Variants in CPE observed in about 807,000 individuals in gnomAD.
CPE encodes carboxypeptidase E, also known as carbocypeptidase E.
CPE carries 17 observed loss-of-function variants against 53.5 expected under a neutral mutation model. That is an observed-to-expected ratio of 0.32 (90% CI 0.22 to 0.48). The LOEUF (loss-of-function observed/expected upper bound fraction) is 0.48, where lower values mean the gene tolerates loss of function less well. Among genes scored for constraint, CPE ranks in the 20% least tolerant of loss-of-function variants. The pLI is 0.99. For synonymous variants in CPE, 226 were observed against 228.8 expected, an observed-to-expected ratio of 0.99 and a Z score of 0.11; for missense variants, 524 against 614.7, an observed-to-expected ratio of 0.85 and a Z score of 1.56.
At chr4:165,481,016 A>ATATATATATATATATATATATTT (rs1491161430) in intron 3 of CPE, among the ~76,000 whole-genome samples, 4 of 111,040 alleles carry the variant, frequency 3.6e-5, no homozygotes, top group African/African-American at 1.4e-4. Context: ...ATATATATAT[A>ATATATATATATATATATATATTT]TTTTTTTTTT....
At chr4:165,442,023 GTTTTTTTTTTTTGTTTTTTTTTTGT>G (rs1731620829) in intron 1 of CPE, among the ~76,000 whole-genome samples, 1 of 107,476 alleles carries the variant, frequency 9.3e-6, no homozygotes, top group African/African-American at 4.0e-5. Context: ...CGGTGAGTTT[GTTTTTTTTTTTTGTTTTTTTTTTGT>G]TTTTTTTTTT....
intron 3 of CPE, among the ~76,000 whole-genome samples, chr4:165,476,343 G>T (rs1161333467): frequency 6.6e-6 from 1 of 152,162 alleles, no homozygotes; most frequent in Admixed American, 6.5e-5. Flanking sequence ...GGGGTGGGCT[G>T]TCTGCATGTG....
chr4:165,465,342 CCCAG>C (rs1173829448), intron 2 of CPE, among the ~76,000 whole-genome samples: 6 of 151,964 alleles, frequency 3.9e-5, no homozygotes, highest in Non-Finnish European at 1.5e-5. Flanking sequence ...TTGTAAGAAA[CCCAG>C]CCAATTTCTG....
intron 1 of CPE, among the ~76,000 whole-genome samples, chr4:165,417,573 A>G (rs1325076735): frequency 6.7e-6 from 1 of 149,592 alleles, no homozygotes; most frequent in African/African-American, 2.5e-5. Context: ...TTTTTTTATC[A>G]TTAGCTTTGT....
At chr4:165,421,067 G>A (rs927877896) in intron 1 of CPE, among the ~76,000 whole-genome samples, 15 of 151,982 alleles carry the variant, frequency 9.9e-5, no homozygotes, top group Admixed American at 2.6e-4. Flanking sequence ...TGTTAATGTC[G>A]TGAGAAATAG....
At chr4:165,424,262 G>C (rs1257069752) in intron 1 of CPE, among the ~76,000 whole-genome samples, 2 of 149,876 alleles carry the variant, frequency 1.3e-5, no homozygotes, top group Non-Finnish European at 3.0e-5. Context: ...TTATTTTGGG[G>C]TTTGTTTGAT....
chr4:165,429,472 A>G (rs1731373304), intron 1 of CPE, among the ~76,000 whole-genome samples: 1 of 152,136 alleles, frequency 6.6e-6, no homozygotes, highest in Non-Finnish European at 1.5e-5. Flanking sequence ...GGAGGCCAAC[A>G]CGAGTAGATT....
chr4:165,467,960 A>G (rs988564288), intron 3 of CPE, 105 bp downstream of exon 3: 86 of 1,281,382 alleles, frequency 6.7e-5, no homozygotes, highest in Non-Finnish European at 8.3e-5. Context: ...CACAGCTTGT[A>G]TGGGGTGGTT....
At chr4:165,447,489 T>G (rs1731735943) in intron 1 of CPE, among the ~76,000 whole-genome samples, 1 of 151,828 alleles carries the variant, frequency 6.6e-6, no homozygotes, top group Non-Finnish European at 1.5e-5. Context: ...GAGAATCACT[T>G]GAATCCAGGA....
rs535836336 is a variant in CPE at position 165,465,323 on chromosome 4, A to G, written c.504+737A>G. Reference sequence around the variant, plus strand: ...CTACAGCTAAAAAATCCAATGACATAGTTTGACATTGTAAGAAACCCAGCC... The same window carrying G: ...CTACAGCTAAAAAATCCAATGACATGGTTTGACATTGTAAGAAACCCAGCC... On this transcript the variant is annotated intron_variant, in intron 2 of 8. Transcript: ENST00000402744. 4.6e-5 allele frequency among the ~76,000 whole-genome samples: 7 copies of G among 152,284 alleles called. No homozygotes were observed. In the South Asian group the frequency reaches 1.5e-3, roughly 32 times the overall value.
intron 7 of CPE, among the ~76,000 whole-genome samples, chr4:165,493,873 A>T (rs984201025): frequency 6.6e-6 from 1 of 152,190 alleles, no homozygotes; most frequent in Non-Finnish European, 1.5e-5. Flanking sequence ...TTTTTCTGGC[A>T]AGTCTACCTA....
intron 6 of CPE, among the ~76,000 whole-genome samples, chr4:165,490,955 A>G (rs17046542): frequency 0.025 from 3,742 of 152,264 alleles, 156 homozygotes; most frequent in African/African-American, 0.081. Context: ...CATGAGTGAA[A>G]TTTGGACTTT....
chr4:165,399,264 G>A (rs1579243327), intron 1 of CPE, among the ~76,000 whole-genome samples: 6 of 152,244 alleles, frequency 3.9e-5, no homozygotes, highest in Admixed American at 3.9e-4. Flanking sequence ...AAAAATAATG[G>A]ATTTTCAAGT....
Position 165,482,242 on chromosome 4 carries a change from C to T in CPE, c.673C>T (p.Leu225Phe). The change falls in exon 4 of 9, where the codon CTT becomes TTT. Residue 225 changes from leucine (L) to phenylalanine (F), a missense_variant and splice_region_variant. Leu to Phe is a conservative substitution (Grantham distance 22). Transcript: ENST00000402744. Reference sequence around the variant, plus strand: ...TCCTTTTAATCTCTCATCTGAACAGCTTGCTCCTGAGACCAAGGCTGTCAT... The same window carrying T: ...TCCTTTTAATCTCTCATCTGAACAGTTTGCTCCTGAGACCAAGGCTGTCAT... Reference protein sequence around the residue: ...MKKIVDQNTKLAPETKAVIHW... With the variant: ...MKKIVDQNTKFAPETKAVIHW... 1 of 1,598,766 alleles carries T rather than the reference C, an allele frequency of 6.3e-7. No individual in the cohort carries two copies. Among genetic ancestry groups the T allele is most frequent in the Non-Finnish European group, 8.6e-7 (1 of 1,166,812 alleles).
intron 3 of CPE, among the ~76,000 whole-genome samples, chr4:165,477,218 T>G (rs1434175415): frequency 6.6e-6 from 1 of 152,230 alleles, no homozygotes; most frequent in Non-Finnish European, 1.5e-5. Context: ...ATCTCTAGAT[T>G]AGATGTTTTT....
chr4:165,406,230 T>G, intron 1 of CPE: 1 of 660,716 alleles, frequency 1.5e-6, no homozygotes, highest in Non-Finnish European at 2.9e-6. Context: ...ATAGTTAATA[T>G]GGGTTCTGGT....
At chr4:165,393,013 G>A (rs1730709948) in intron 1 of CPE, among the ~76,000 whole-genome samples, 1 of 151,482 alleles carries the variant, frequency 6.6e-6, no homozygotes, top group East Asian at 1.9e-4. Context: ...TCCCTAGGTA[G>A]CTATTATTGA....
intron 3 of CPE, among the ~76,000 whole-genome samples, chr4:165,481,648 T>C (rs1468998382): frequency 2.0e-5 from 3 of 152,194 alleles, no homozygotes; most frequent in Non-Finnish European, 4.4e-5. Context: ...TTCTTGAAAC[T>C]TGCCTTTATT....
intron 1 of CPE, chr4:165,406,305 G>A (rs1381126439): frequency 1.4e-5 from 8 of 574,630 alleles, no homozygotes; most frequent in East Asian, 1.3e-4. Flanking sequence ...GATCCTGAAG[G>A]CAGAGAAGTG....
Sources: allele counts gnomAD v4.1 joint callset (sites outside exome capture counted in the v4.1 genomes callset), GRCh38; gene constraint gnomAD v4.1.1; transcripts MANE v1.5; gene names NCBI Gene and HGNC (gene_info 2026-07-23, HGNC 2026-07-21).